The following ADGRD1 variants were observed in gnomAD, a reference collection of about 807,000 sequenced individuals.
The protein encoded by ADGRD1 is G-protein coupled receptor 133.
In ADGRD1, 77 loss-of-function variants were observed where a neutral mutation model predicts 113.4. The ratio of observed to expected loss-of-function variants is 0.68; its 90% confidence interval spans 0.57 to 0.82. The LOEUF is 0.82. ADGRD1 is among the 40% of genes least tolerant of loss of function. ADGRD1 has a pLI of 0.00. For synonymous variants in ADGRD1, 474 were observed against 475.0 expected (o/e 1.00, Z 0.03); for missense variants, 1,036 against 1,139.1 (o/e 0.91, Z 1.30).
intron 21 of ADGRD1, among the ~76,000 whole-genome samples, chr12:131,135,591 C>T (rs1012849184): frequency 6.6e-6 from 1 of 152,178 alleles, no homozygotes; most frequent in African/African-American, 2.4e-5. Context: ...CTGGCCATGG[C>T]CTCATTTCAG....
rs1262924661 is a variant in ADGRD1 at position 131,096,854 on chromosome 12, C to T, written c.1672-7977C>T. On this transcript the variant is annotated intron_variant, in intron 15 of 24. Coordinates refer to ENST00000261654, the MANE Select transcript of ADGRD1 (RefSeq NM_198827.5). This position sits in a 1 kb window ranked among gnomAD's most constrained non-coding sequence, Gnocchi z 5.2. The stretch of plus-strand genomic sequence containing the variant: ...GGGTTCTGCTCTGAGATCCACCTGC[C>T]TCCTGCTGCCCGGCTCTGCCTCCCA... Among the ~76,000 whole-genome samples, 1 of 152,250 alleles carries T rather than the reference C, an allele frequency of 6.6e-6. No homozygotes were observed. Among genetic ancestry groups the T allele is most frequent in the Admixed American group, 6.5e-5 (1 of 15,292 alleles).
chr12:131,070,929 G>A (rs1885114981), intron 13 of ADGRD1: 2 of 518,936 alleles, frequency 3.9e-6, no homozygotes, highest in African/African-American at 1.9e-5. Flanking sequence ...AGAGTCCTGG[G>A]GTCAGAGTGG....
In ADGRD1 at chr12:131,096,526, T is replaced by G. The variant is rs1887291615; in HGVS notation, c.1672-8305T>G. On this transcript the variant is annotated intron_variant, in intron 15 of 24. Transcript: ENST00000261654. This position sits in a 1 kb window ranked among gnomAD's most constrained non-coding sequence, Gnocchi z 5.2. ...GCATAGCTCTCCCGCGGGTGGACAC[T>G]GAAGTCATGGTGGTCTTTGGCCGCA... Among the ~76,000 whole-genome samples, 1 of 152,226 alleles carries G rather than the reference T, an allele frequency of 6.6e-6. No homozygotes were observed. Among genetic ancestry groups the G allele is most frequent in the Admixed American group, 6.5e-5 (1 of 15,288 alleles).
At chr12:131,111,925 G>C (rs558185357) in intron 18 of ADGRD1, among the ~76,000 whole-genome samples, 1 of 151,494 alleles carries the variant, frequency 6.6e-6, no homozygotes, top group Non-Finnish European at 1.5e-5. Context: ...TGATAAATAC[G>C]ACAACTGAGC....
chr12:131,106,159 C>T (rs1234681083), intron 17 of ADGRD1, among the ~76,000 whole-genome samples: 3 of 152,334 alleles, frequency 2.0e-5, no homozygotes, highest in South Asian at 2.1e-4. Context: ...CCATGTCACC[C>T]TCTAACCAGC....
intron 15 of ADGRD1, among the ~76,000 whole-genome samples, chr12:131,097,464 C>T (rs1479822867): frequency 6.6e-6 from 1 of 152,228 alleles, no homozygotes; most frequent in African/African-American, 2.4e-5. Flanking sequence ...CCCGGGCTGT[C>T]GGTTCATTTC....
At chr12:131,104,314 C>T (rs144200962) in intron 15 of ADGRD1, among the ~76,000 whole-genome samples, 19 of 152,326 alleles carry the variant, frequency 1.2e-4, no homozygotes, top group East Asian at 9.7e-4. Context: ...GGGGCGGTAA[C>T]CAGCTCTTCC....
intron 17 of ADGRD1, 125 bp from the exon 18 acceptor site, chr12:131,108,599 G>A: frequency 1.5e-6 from 2 of 1,335,782 alleles, no homozygotes; most frequent in East Asian, 4.6e-5. Flanking sequence ...AAGATACCCT[G>A]GGAAGAAACA....
intron 13 of ADGRD1, among the ~76,000 whole-genome samples, chr12:131,042,732 C>G (rs536613178): frequency 1.3e-5 from 2 of 152,228 alleles, no homozygotes; most frequent in East Asian, 1.9e-4. Context: ...CCTCCAACCC[C>G]GGCATGGCGT....
chr12:131,096,264 T>C lies in ADGRD1; in HGVS notation c.1672-8567T>C, dbSNP rs184770540. ...ATTTTTATTTACAATTTATTTGTGT[T>C]AGAGACAAGGTTGCACGCTGTGGTC... On this transcript the variant is annotated intron_variant, in intron 15 of 24. Transcript: ENST00000261654. The surrounding 1 kb of genome is among the most constrained non-coding windows in gnomAD (Gnocchi z 5.2). Among the ~76,000 whole-genome samples the C allele has an allele frequency of 6.7e-4, 102 of 152,320 alleles. No homozygotes were observed. The highest frequency in any genetic ancestry group is 1.3e-3 in the Non-Finnish European group (86 of 68,026).
At chr12:130,970,437 G>A (rs1341567715) in intron 3 of ADGRD1, 2 of 152,206 alleles carry the variant, frequency 1.3e-5, no homozygotes, top group East Asian at 1.9e-4. Flanking sequence ...TTAAAAATGA[G>A]TTTAAAAGCA....
At chr12:131,107,562 G>T (rs1950262626) in intron 17 of ADGRD1, among the ~76,000 whole-genome samples, 1 of 152,192 alleles carries the variant, frequency 6.6e-6, no homozygotes. Context: ...AGAATCCCAG[G>T]GAAGGGCTCC....
At chr12:130,994,062 G>C (rs1301526638) in intron 8 of ADGRD1, 3 of 243,128 alleles carry the variant, frequency 1.2e-5, no homozygotes, top group African/African-American at 6.6e-5. Flanking sequence ...CTAACCAAGG[G>C]GAGTGGGATT....
At chr12:130,959,538 TCCA>T (rs1299576659) in intron 2 of ADGRD1, among the ~76,000 whole-genome samples, 1 of 152,218 alleles carries the variant, frequency 6.6e-6, no homozygotes, top group Non-Finnish European at 1.5e-5. Flanking sequence ...ACCACTGCAC[TCCA>T]GCCTTGGTGA....
At chr12:131,005,304 G>T (rs1876945367) in intron 11 of ADGRD1, among the ~76,000 whole-genome samples, 1 of 152,226 alleles carries the variant, frequency 6.6e-6, no homozygotes, top group East Asian at 1.9e-4. Context: ...GCCCAGGGAT[G>T]GTGCCGACAT....
chr12:131,024,359 T>G (rs1879699400), intron 13 of ADGRD1: 1 of 152,234 alleles, frequency 6.6e-6, no homozygotes, highest in African/African-American at 2.4e-5. Context: ...GAGCGTGGCT[T>G]CTAGTGGTCC....
chr12:131,028,817 G>A (rs906949094), intron 13 of ADGRD1, among the ~76,000 whole-genome samples: 2 of 152,180 alleles, frequency 1.3e-5, no homozygotes, highest in South Asian at 2.1e-4. Context: ...CAACTGCCAC[G>A]TCCTATGCCA....
intron 2 of ADGRD1, among the ~76,000 whole-genome samples, chr12:130,960,796 C>T (rs1005409142): frequency 6.6e-6 from 1 of 152,002 alleles, no homozygotes; most frequent in Non-Finnish European, 1.5e-5. Context: ...AAAAAAATCC[C>T]AAACAATAGT....
chr12:131,025,267 A>G (rs999518943), intron 13 of ADGRD1, among the ~76,000 whole-genome samples: 11 of 152,210 alleles, frequency 7.2e-5, no homozygotes, highest in Admixed American at 2.0e-4. Flanking sequence ...GTCTTAGCCA[A>G]GCGTTCTCTA....
Sources: gnomAD v4.1 joint callset for allele counts (sites outside exome capture counted in the v4.1 genomes callset) on GRCh38, gnomAD v4.1.1 for gene constraint, Gnocchi (gnomAD v3.1) non-coding constraint, MANE v1.5 for transcripts, NCBI Gene and HGNC (gene_info 2026-07-23, HGNC 2026-07-21) for gene names.